The following NDST4 variants were observed in gnomAD, a reference collection of about 807,000 sequenced individuals.
NDST4 encodes the protein N-heparan sulfate sulfotransferase 4.
In NDST4, 63 loss-of-function variants were observed where a neutral mutation model predicts 100.8. The observed-to-expected ratio is 0.62, with a 90% CI of 0.51 to 0.77. NDST4 has a LOEUF of 0.77. Ranked by LOEUF, NDST4 falls within the 30% of genes least tolerant of loss-of-function variation. NDST4 has a pLI of 0.00. For synonymous variants in NDST4, 377 were observed against 361.8 expected (o/e 1.04, Z -0.48); for missense variants, 943 against 1,018.4 (o/e 0.93, Z 1.01).
intron 2 of NDST4, among the ~76,000 whole-genome samples, chr4:114,977,760 G>T (rs1726670509): frequency 6.6e-6 from 1 of 151,776 alleles, no homozygotes; most frequent in African/African-American, 2.4e-5. Context: ...TGAAAGCTTG[G>T]GTTTTTACCT....
At chr4:114,852,923 T>C in intron 7 of NDST4, 102 bp from the exon 8 acceptor site, 2 of 707,188 alleles carry the variant, frequency 2.8e-6, no homozygotes, top group Non-Finnish European at 4.6e-6. Flanking sequence ...CCTAATACCT[T>C]AGAACTTGGA....
At chr4:115,006,031 C>CAAAAA (rs33988343) in intron 2 of NDST4, among the ~76,000 whole-genome samples, 43 of 99,426 alleles carry the variant, frequency 4.3e-4, no homozygotes, top group African/African-American at 1.2e-3. Context: ...GACTCTATCT[C>CAAAAA]AAAAAAAAAA....
intron 2 of NDST4, among the ~76,000 whole-genome samples, chr4:115,004,172 A>G (rs541281623): frequency 1.3e-5 from 2 of 152,284 alleles, no homozygotes; most frequent in African/African-American, 4.8e-5. Flanking sequence ...AAAATACCCA[A>G]TGATTAAAAA....
intron 2 of NDST4, among the ~76,000 whole-genome samples, chr4:115,009,516 C>A (rs1248928088): frequency 1.6e-5 from 2 of 123,288 alleles, no homozygotes; most frequent in Middle Eastern, 4.5e-3. Context: ...CTTCCTTACA[C>A]CTTATACAAA....
At chr4:114,907,465 C>T (rs773455357) in intron 6 of NDST4, among the ~76,000 whole-genome samples, 1 of 152,134 alleles carries the variant, frequency 6.6e-6, no homozygotes, top group Non-Finnish European at 1.5e-5. Flanking sequence ...AAAGTTACAG[C>T]AACTTCTAGC....
chr4:115,027,860 C>T (rs946335767), intron 2 of NDST4, among the ~76,000 whole-genome samples: 1 of 152,034 alleles, frequency 6.6e-6, no homozygotes, highest in Non-Finnish European at 1.5e-5. Flanking sequence ...TTGAAACCAG[C>T]CTGACCAACA....
intron 10 of NDST4, 26 bp from the exon 11 acceptor site, chr4:114,839,574 G>C (rs73848473): frequency 6.2e-7 from 1 of 1,609,554 alleles, no homozygotes; most frequent in East Asian, 2.2e-5. Flanking sequence ...CAATTGTAAA[G>C]TTAGATTTTT....
chr4:115,018,420 T>A (rs911669067), intron 2 of NDST4, among the ~76,000 whole-genome samples: 1 of 151,996 alleles, frequency 6.6e-6, no homozygotes, highest in African/African-American at 2.4e-5. Context: ...TAAAAATTCT[T>A]AATAATATGT....
At chr4:114,981,236 A>T (rs866754893) in intron 2 of NDST4, among the ~76,000 whole-genome samples, 1 of 148,906 alleles carries the variant, frequency 6.7e-6, no homozygotes, top group African/African-American at 2.5e-5. Context: ...GAAGGAAGGA[A>T]GGAAGGAAGG....
intron 2 of NDST4, among the ~76,000 whole-genome samples, chr4:115,006,071 G>T (rs1377502055): frequency 2.3e-5 from 3 of 131,034 alleles, no homozygotes; most frequent in African/African-American, 5.7e-5. Context: ...AGGAGAGATA[G>T]AAAAAAGAGA....
At chr4:115,071,895 G>A (rs1019751265) in intron 2 of NDST4, among the ~76,000 whole-genome samples, 1 of 151,994 alleles carries the variant, frequency 6.6e-6, no homozygotes, top group Non-Finnish European at 1.5e-5. Flanking sequence ...AAGTAACATA[G>A]TAGATAAATA....
intron 6 of NDST4, among the ~76,000 whole-genome samples, chr4:114,899,903 AG>A (rs2126209697): frequency 6.6e-6 from 1 of 152,270 alleles, no homozygotes; most frequent in African/African-American, 2.4e-5. Context: ...GGGATTGTAG[AG>A]AATTGCTGTG....
At chr4:115,034,179 CA>C (rs926543944) in intron 2 of NDST4, among the ~76,000 whole-genome samples, 1 of 151,894 alleles carries the variant, frequency 6.6e-6, no homozygotes, top group Non-Finnish European at 1.5e-5. Context: ...CCTGCTGGCT[CA>C]AAAAAATATT....
Position 114,837,405 on chromosome 4 carries a change from C to G in NDST4, c.2286+1973G>C, listed in dbSNP as rs146240754. Among the ~76,000 whole-genome samples the G allele has an allele frequency of 3.2e-3, 492 of 152,254 alleles. 5 individuals carry two copies. Among genetic ancestry groups the G allele is most frequent in the African/African-American group, 0.012 (479 of 41,548 alleles). On this transcript the variant is annotated intron_variant, in intron 11 of 13. Coordinates refer to ENST00000264363, the MANE Select transcript of NDST4 (RefSeq NM_022569.3). ...GCAAAAAGAACAAAGCTGGAGGCGT[C>G]ATGCTACCTGACTTCAAACTATAGT... is the stretch of plus-strand genomic sequence containing the variant.
At chr4:115,011,377 G>A (rs529135149) in intron 2 of NDST4, among the ~76,000 whole-genome samples, 4 of 151,844 alleles carry the variant, frequency 2.6e-5, no homozygotes, top group East Asian at 1.9e-4. Context: ...CCATTCAAGC[G>A]TATTTCTTAA....
At chr4:114,913,878 A>C (rs1290260541) in intron 6 of NDST4, among the ~76,000 whole-genome samples, 1 of 152,048 alleles carries the variant, frequency 6.6e-6, no homozygotes, top group Non-Finnish European at 1.5e-5. Context: ...ATACTTGTTC[A>C]AAATTATTTT....
At chr4:114,974,552 C>T (rs1726587426) in intron 3 of NDST4, among the ~76,000 whole-genome samples, 1 of 152,124 alleles carries the variant, frequency 6.6e-6, no homozygotes, top group Non-Finnish European at 1.5e-5. Flanking sequence ...AAGAAGGCAT[C>T]TGAATACTAT....
intron 1 of NDST4, among the ~76,000 whole-genome samples, chr4:115,111,302 G>A (rs1212194070): frequency 1.3e-5 from 2 of 151,768 alleles, no homozygotes; most frequent in South Asian, 2.1e-4. Context: ...TTTTCTTTGG[G>A]AGAAGAAAGA....
rs1198801109 is a variant in NDST4, at chr4:114,929,129, T to C, written c.1536+6077A>G. On this transcript the variant is annotated intron_variant, in intron 6 of 13. Coordinates refer to ENST00000264363, the MANE Select transcript of NDST4 (RefSeq NM_022569.3). Reference sequence around the variant, plus strand: ...CCATCCATCCATCTATCTATCTATCTATCTATCTATCTATCTATCTATCTA... The same window carrying C: ...CCATCCATCCATCTATCTATCTATCCATCTATCTATCTATCTATCTATCTA... 2.3e-4 allele frequency among the ~76,000 whole-genome samples: 34 copies of C among 147,514 alleles called. 1 individual carries two copies. In the South Asian group the frequency reaches 6.0e-3, roughly 26 times the overall value.
Sources: allele counts gnomAD v4.1 joint callset (sites outside exome capture counted in the v4.1 genomes callset), GRCh38; gene constraint gnomAD v4.1.1; transcripts MANE v1.5; gene names NCBI Gene and HGNC (gene_info 2026-07-23, HGNC 2026-07-21).